Variants in RPL22L1 observed in about 807,000 individuals in gnomAD.
RPL22L1 encodes ribosomal protein L22 like 1, also known as ribosomal protein eL22-like.
A neutral mutation model predicts 17.3 loss-of-function variants in RPL22L1; 19 were observed. That is an observed-to-expected ratio of 1.10 (90% CI 0.77 to 1.61). The LOEUF (loss-of-function observed/expected upper bound fraction) is 1.61, where lower values mean the gene tolerates loss of function less well. Ranked by LOEUF, RPL22L1 falls within the 40% of genes most tolerant of loss-of-function variation. RPL22L1 has a pLI of 0.00. For missense variants in RPL22L1, 139 were observed against 144.4 expected, an observed-to-expected ratio of 0.96 and a Z score of 0.19; for synonymous variants, 48 against 48.5, an observed-to-expected ratio of 0.99 and a Z score of 0.05.
At chr3:170,868,835 G>T (rs939471108) in intron 1 of RPL22L1, among the ~76,000 whole-genome samples, 3 of 148,914 alleles carry the variant, frequency 2.0e-5, no homozygotes, top group Middle Eastern at 3.2e-3. Context: ...AAAAGAAAAA[G>T]AAAAAATAAA....
intron 3 of RPL22L1, among the ~76,000 whole-genome samples, chr3:170,867,514 G>A (rs1711815623): frequency 6.6e-6 from 1 of 152,104 alleles, no homozygotes; most frequent in Non-Finnish European, 1.5e-5. Flanking sequence ...GAAGTTTCTT[G>A]GTGGTGGGTA....
rs1201159579 is a variant in RPL22L1, at chr3:170,865,998, A to G, written c.*382T>C. 1 of 155,528 alleles carries G rather than the reference A, an allele frequency of 6.4e-6. No individual in the cohort carries two copies. Among genetic ancestry groups the G allele is most frequent in the Admixed American group, 6.4e-5 (1 of 15,618 alleles). 9.6% of individuals were successfully genotyped at this position (155,528 alleles called of 1,614,324 possible). A position where few individuals can be genotyped will look rare whatever the true frequency, so the allele number is the denominator to read the frequency against. ...GGCCAAACCCTACTCTACTAAAAGT[A>G]CAAAAAATTAGCCGGGCATGGTGGC... On this transcript the variant is annotated 3_prime_UTR_variant, in exon 4 of 4. Coordinates refer to ENST00000295830, the MANE Select transcript of RPL22L1 (RefSeq NM_001099645.2).
Position 170,866,346 on chromosome 3 carries a change from T to C in RPL22L1, c.*34A>G, listed in dbSNP as rs754713927. On this transcript the variant is annotated 3_prime_UTR_variant, in exon 4 of 4. Transcript: ENST00000295830. ...TCTCATGTATACTTCATTTATTTTA[T>C]TAATAAGCAAAGCCCTGTAAGGGGA... is the stretch of plus-strand genomic sequence containing the variant. 11 of 1,519,544 alleles carry C rather than the reference T, an allele frequency of 7.2e-6. No individual in the cohort carries two copies. Among genetic ancestry groups the C allele is most frequent in the South Asian group, 5.1e-5 (4 of 77,676 alleles). 94.1% of individuals were successfully genotyped at this position (1,519,544 alleles called of 1,614,324 possible).
In RPL22L1 at chr3:170,866,312, C is replaced by G. The variant is rs753575131; in HGVS notation, c.*68G>C. The G allele has an allele frequency of 2.2e-6, 3 of 1,342,206 alleles. No individual in the cohort carries two copies. The highest frequency in any genetic ancestry group is 2.0e-6 in the Non-Finnish European group (2 of 999,304). 83.1% of individuals were successfully genotyped at this position (1,342,206 alleles called of 1,614,324 possible). On this transcript the variant is annotated 3_prime_UTR_variant, in exon 4 of 4. Coordinates refer to ENST00000295830, the MANE Select transcript of RPL22L1 (RefSeq NM_001099645.2). The stretch of plus-strand genomic sequence containing the variant: ...TCACTGATAAACTAAAAGCCAATTT[C>G]TTGGTATTTCTCATGTATACTTCAT...
rs1442951765 is a variant in RPL22L1 at position 170,868,136 on chromosome 3, T to C, written c.103-2A>G. ...AACCTTCTCCCGTAGAAATTGCTCC[T>C]ATTTTAAAACAGAAAAAATGCAAAA... On this transcript the variant is annotated splice_acceptor_variant, in intron 2 of 3. Transcript: ENST00000295830. LOFTEE classifies it high-confidence loss of function. The C allele has an allele frequency of 1.2e-6, 2 of 1,604,336 alleles. No homozygotes were observed. The highest frequency in any genetic ancestry group is 1.7e-6 in the Non-Finnish European group (2 of 1,174,412).
chr3:170,870,107 G>A (rs2108282341), intron 1 of RPL22L1, 52 bp downstream of exon 1: 1 of 1,613,502 alleles, frequency 6.2e-7, no homozygotes, highest in Non-Finnish European at 8.5e-7. Flanking sequence ...TCGTTACAGC[G>A]GAAATCATTA....
At chr3:170,870,003 G>T in intron 1 of RPL22L1, 156 bp downstream of exon 1, 2 of 1,109,790 alleles carry the variant, frequency 1.8e-6, no homozygotes, top group Non-Finnish European at 2.7e-6. Flanking sequence ...AAACAGTTCA[G>T]GATCCTCGCG....
Position 170,865,417 on chromosome 3 carries a change from G to C in RPL22L1, c.*963C>G, listed in dbSNP as rs1057027507. Reference sequence around the variant, plus strand: ...AGTATGGATTTTGCCAAACCATTTCGATTAGAGCTTTCAAAGGCCAGTTTA... The same window carrying C: ...AGTATGGATTTTGCCAAACCATTTCCATTAGAGCTTTCAAAGGCCAGTTTA... On this transcript the variant is annotated 3_prime_UTR_variant, in exon 4 of 4. Coordinates refer to ENST00000295830, the MANE Select transcript of RPL22L1 (RefSeq NM_001099645.2). 6.6e-6 allele frequency: 1 copy of C among 152,152 alleles called. No homozygotes were observed. The highest frequency in any genetic ancestry group is 1.5e-5 in the Non-Finnish European group (1 of 68,030). 9.4% of individuals were successfully genotyped at this position (152,152 alleles called of 1,614,324 possible). A position where few individuals can be genotyped will look rare whatever the true frequency, so the allele number is the denominator to read the frequency against.
intron 1 of RPL22L1, chr3:170,869,943 C>T: frequency 2.7e-6 from 2 of 743,862 alleles, no homozygotes; most frequent in Non-Finnish European, 4.7e-6. Context: ...CAATTCCGGG[C>T]CCAGCTCCAA....
intron 3 of RPL22L1, among the ~76,000 whole-genome samples, chr3:170,867,653 A>G (rs1172517830): frequency 6.6e-6 from 1 of 152,110 alleles, no homozygotes. Context: ...TTAACTGGCT[A>G]CCTCTACTGA....
At position 170,866,340 on chromosome 3, in the gene RPL22L1, A is replaced by T; in HGVS notation, c.*40T>A. Reference sequence around the variant, plus strand: ...GGTATTTCTCATGTATACTTCATTTATTTTATTAATAAGCAAAGCCCTGTA... The same window carrying T: ...GGTATTTCTCATGTATACTTCATTTTTTTTATTAATAAGCAAAGCCCTGTA... On this transcript the variant is annotated 3_prime_UTR_variant, in exon 4 of 4. Coordinates refer to ENST00000295830, the MANE Select transcript of RPL22L1 (RefSeq NM_001099645.2). The T allele has an allele frequency of 6.6e-7, 1 of 1,506,564 alleles. No homozygotes were observed. The highest frequency in any genetic ancestry group is 1.3e-5 in the South Asian group (1 of 76,710). The allele number at this position is 1,506,564 out of a possible 1,614,324, so 93.3% of individuals were successfully genotyped here.
intron 1 of RPL22L1, among the ~76,000 whole-genome samples, chr3:170,869,496 A>G (rs1049895760): frequency 3.9e-5 from 6 of 152,170 alleles, no homozygotes; most frequent in Non-Finnish European, 5.9e-5. Context: ...TAGCCCAGCA[A>G]TTTTATCCTA....
Position 170,868,307 on chromosome 3 carries a change from A to G in RPL22L1, c.93T>C (p.Ser31=). 6.2e-7 allele frequency: 1 copy of G among 1,605,454 alleles called. No homozygotes were observed. Among genetic ancestry groups the G allele is most frequent in the Non-Finnish European group, 8.5e-7 (1 of 1,173,912 alleles). ...THPVEDGIFD[S]GNFEQFLREK... is the part of the protein sequence containing the mutation. Reference sequence around the variant, plus strand: ...GTAGAATGATACTTACAAAATTTCCAGAATCAAAAATTCCATCTTCTACTG... The same window carrying G: ...GTAGAATGATACTTACAAAATTTCCGGAATCAAAAATTCCATCTTCTACTG... Residue 31 remains serine, a synonymous_variant, in exon 2 of 4, where the codon TCT becomes TCC. Transcript: ENST00000295830.
At chr3:170,870,051 C>T in intron 1 of RPL22L1, 108 bp downstream of exon 1, 1 of 1,516,128 alleles carries the variant, frequency 6.6e-7, no homozygotes, top group Non-Finnish European at 9.1e-7. Flanking sequence ...CACTACTCCC[C>T]TCCCTTTATC....
chr3:170,868,251 A>C, intron 2 of RPL22L1, 47 bp downstream of exon 2: 2 of 1,480,486 alleles, frequency 1.4e-6, no homozygotes, highest in Non-Finnish European at 1.9e-6. Flanking sequence ...TTAAACCATT[A>C]TCAATAACTC....
Position 170,866,296 on chromosome 3 carries a change from A to C in RPL22L1, c.*84T>G. On this transcript the variant is annotated 3_prime_UTR_variant, in exon 4 of 4. Transcript: ENST00000295830. ...GTATAATATTTTTTATTCACTGATA[A>C]ACTAAAAGCCAATTTCTTGGTATTT... 8.2e-7 allele frequency: 1 copy of C among 1,219,350 alleles called. No homozygotes were observed. Among genetic ancestry groups the C allele is most frequent in the Non-Finnish European group, 1.1e-6 (1 of 893,764 alleles). The allele number at this position is 1,219,350 out of a possible 1,614,324, so 75.5% of individuals were successfully genotyped here.
chr3:170,868,212 A>G, intron 2 of RPL22L1, 78 bp from the exon 3 acceptor site: 1 of 1,493,464 alleles, frequency 6.7e-7, no homozygotes, highest in Non-Finnish European at 9.3e-7. Flanking sequence ...CTAGGAATAG[A>G]GCTTAGGTTA....
chr3:170,868,197 G>A (rs1711843595), intron 2 of RPL22L1, 63 bp from the exon 3 acceptor site: 1 of 1,523,340 alleles, frequency 6.6e-7, no homozygotes, highest in Non-Finnish European at 9.1e-7. Context: ...ACTAGGGAAG[G>A]TACCCTAGGA....
At chr3:170,869,346 G>A (rs971890147) in intron 1 of RPL22L1, among the ~76,000 whole-genome samples, 1 of 152,102 alleles carries the variant, frequency 6.6e-6, no homozygotes, top group African/African-American at 2.4e-5. Flanking sequence ...GCTTTCTCAG[G>A]TAGCATGGTA....
Sources: allele counts gnomAD v4.1 joint callset (sites outside exome capture counted in the v4.1 genomes callset), GRCh38; gene constraint gnomAD v4.1.1; transcripts MANE v1.5; gene names NCBI Gene and HGNC (gene_info 2026-07-23, HGNC 2026-07-21).